Variants in SYNE2 observed in about 807,000 individuals in gnomAD.
SYNE2 encodes the protein nesprin-2.
In SYNE2, 431 loss-of-function variants were observed where a neutral mutation model predicts 856.3. That is an observed-to-expected ratio of 0.50 (90% CI 0.47 to 0.55). The LOEUF (loss-of-function observed/expected upper bound fraction) is 0.55. Ranked by LOEUF, SYNE2 falls within the 20% of genes least tolerant of loss-of-function variation. The pLI is 0.00. For synonymous variants in SYNE2, 2,923 were observed against 2,872.3 expected (o/e 1.02, Z -0.56); for missense variants, 8,129 against 8,023.2 (o/e 1.01, Z -0.50).
At chr14:63,993,789 A>G (rs1039469213) in intron 21 of SYNE2, 46 bp from the exon 22 acceptor site, 1 of 1,561,218 alleles carries the variant, frequency 6.4e-7, no homozygotes, top group Non-Finnish European at 8.7e-7. Flanking sequence ...ATTTGGCAGT[A>G]GAATGAGGCT....
At chr14:64,074,358 T>C (rs1483572560) in intron 53 of SYNE2, among the ~76,000 whole-genome samples, 1 of 152,162 alleles carries the variant, frequency 6.6e-6, no homozygotes, top group African/African-American at 2.4e-5. Flanking sequence ...GGCTGGAAGG[T>C]AGGCCAGTCT....
At chr14:63,780,605 T>G (rs1339655577) in intron 1 of SYNE2, among the ~76,000 whole-genome samples, 2 of 152,112 alleles carry the variant, frequency 1.3e-5, no homozygotes, top group Non-Finnish European at 2.9e-5. Flanking sequence ...GAGAAAATTG[T>G]AAGGGACTCT....
chr14:63,949,731 G>C, intron 6 of SYNE2, 94 bp from the exon 7 acceptor site: 2 of 1,238,190 alleles, frequency 1.6e-6, no homozygotes, highest in South Asian at 1.2e-5. Context: ...ACTGTCACAG[G>C]ATGCTTTTTA....
rs765811993 is a variant in SYNE2, at chr14:64,087,796, A to G, written c.11610A>G (p.Gln3870=). The G allele has an allele frequency of 8.7e-6, 14 of 1,614,072 alleles. No homozygotes were observed. The highest frequency in any genetic ancestry group is 1.7e-6 in the Non-Finnish European group (2 of 1,180,016). Residue 3870 remains glutamine (Q), a synonymous_variant, in exon 58 of 116, where the codon CAA becomes CAG. Transcript: ENST00000555002. The part of the protein sequence containing the change: ...LTQSIQELSN[Q]VTALQQKIME... ...AATCCATACAAGAGTTAAGTAATCA[A>G]GTAACAGCTTTACAACAAAAAATAA...
In SYNE2 at chr14:64,012,745, T is replaced by C. The variant is rs578067770; in HGVS notation, c.4728+2629T>C. 3.7e-4 allele frequency among the ~76,000 whole-genome samples: 57 copies of C among 152,338 alleles called. 1 individual carries two copies. In the South Asian group the frequency reaches 0.011, roughly 28 times the overall value. ...AAGATATAGAAGTTTTAATACACTA[T>C]TGTTTAATTCTTTGGTCAGGTTTTT... On this transcript the variant is annotated intron_variant, in intron 32 of 115. Transcript: ENST00000555002.
chr14:64,012,804 A>G (rs2096856875), intron 32 of SYNE2, among the ~76,000 whole-genome samples: 1 of 152,222 alleles, frequency 6.6e-6, no homozygotes, highest in African/African-American at 2.4e-5. Flanking sequence ...TTTTAGTACT[A>G]ATTGTTAACA....
intron 56 of SYNE2, 97 bp downstream of exon 56, chr14:64,080,735 A>G: frequency 6.7e-7 from 1 of 1,495,606 alleles, no homozygotes; most frequent in Non-Finnish European, 9.3e-7. Flanking sequence ...TTTCTGTTGA[A>G]TTATCAGTTT....
In SYNE2 at chr14:64,023,924, G is replaced by A. The variant is rs533102752; in HGVS notation, c.5638-333G>A. 34 of 299,504 alleles carry A rather than the reference G, an allele frequency of 1.1e-4. 1 individual carries two copies. In the South Asian group the frequency reaches 1.1e-3, roughly 10 times the overall value. 18.6% of individuals were successfully genotyped at this position (299,504 alleles called of 1,614,324 possible). Reference sequence around the variant, plus strand: ...GCCCAAACCTTGAAACGTAAACATTGAGATAAAATTCTTATTTGGGCAACG... The same window carrying A: ...GCCCAAACCTTGAAACGTAAACATTAAGATAAAATTCTTATTTGGGCAACG... On this transcript the variant is annotated intron_variant, in intron 38 of 115. Coordinates refer to ENST00000555002, the MANE Select transcript of SYNE2 (RefSeq NM_182914.3).
chr14:64,219,851 C>T (rs1190899071), intron 110 of SYNE2, among the ~76,000 whole-genome samples: 3 of 152,120 alleles, frequency 2.0e-5, no homozygotes, highest in Non-Finnish European at 2.9e-5. Context: ...CGTGGCCTGA[C>T]CTCATTACCC....
chr14:64,038,222 C>T (rs1322566136), intron 45 of SYNE2, among the ~76,000 whole-genome samples: 1 of 152,042 alleles, frequency 6.6e-6, no homozygotes, highest in Admixed American at 6.5e-5. Context: ...GGCAGAGACG[C>T]TCCTCACTTC....
chr14:63,936,768 G>C (rs1223651854), intron 2 of SYNE2, among the ~76,000 whole-genome samples: 1 of 152,206 alleles, frequency 6.6e-6, no homozygotes, highest in East Asian at 1.9e-4. Context: ...ACTGCCTGCT[G>C]TGCTGAGCAT....
At chr14:64,130,289 A>G in intron 76 of SYNE2, 41 bp downstream of exon 76, 1 of 1,518,488 alleles carries the variant, frequency 6.6e-7, no homozygotes, top group Non-Finnish European at 9.1e-7. Flanking sequence ...TTCATAGACT[A>G]AAATCTTAAG....
In SYNE2 at chr14:64,224,518, G is replaced by C. The variant is rs915118325; in HGVS notation, c.20440G>C (p.Ala6814Pro). 6.2e-7 allele frequency: 1 copy of C among 1,614,006 alleles called. No homozygotes were observed. Among genetic ancestry groups the C allele is most frequent in the African/African-American group, 1.3e-5 (1 of 74,902 alleles). ...DEVDSGDQPP[A>P]TSVPAPRAKF... ...GGTAGACTCGGGGGACCAGCCTCCT[G>C]CAACATCCGTGCCAGCTCCCCGAGC... The change falls in exon 114 of 116, where the codon GCA becomes CCA. Residue 6814 changes from alanine (A) to proline (P), a missense_variant. Coordinates refer to ENST00000555002, the MANE Select transcript of SYNE2 (RefSeq NM_182914.3).
Position 64,051,567 on chromosome 14 carries a change from G to T in SYNE2, c.7654G>T (p.Asp2552Tyr), listed in dbSNP as rs1194848697. The change falls in exon 48 of 116, where the codon GAC becomes TAC. Residue 2552 changes from aspartate to tyrosine, a missense_variant. By Grantham distance (160) the Asp-to-Tyr change is radical. Coordinates refer to ENST00000555002, the MANE Select transcript of SYNE2 (RefSeq NM_182914.3). ...TTATTCTTTTTCTAGAGGACCACTGGACAGTGTAACGTATCTGGACAAAAT... is the reference window on the plus strand; with the variant it reads ...TTATTCTTTTTCTAGAGGACCACTGTACAGTGTAACGTATCTGGACAAAAT... Reference protein sequence around the residue: ...DKESLKVGPLDSVTYLDKIKK... With the variant: ...DKESLKVGPLYSVTYLDKIKK... The T allele has an allele frequency of 2.5e-6, 4 of 1,612,832 alleles. No homozygotes were observed. The South Asian group carries it at 3.3e-5, about 13-fold the overall frequency.
chr14:63,940,743 C>G (rs537914738), intron 3 of SYNE2, 68 bp downstream of exon 3: 1 of 1,437,632 alleles, frequency 7.0e-7, no homozygotes. Flanking sequence ...TCTGTTTTGA[C>G]CCCAAGGAGG....
chr14:63,859,228 C>T (rs927024497), intron 1 of SYNE2, among the ~76,000 whole-genome samples: 2 of 152,318 alleles, frequency 1.3e-5, no homozygotes, highest in East Asian at 3.9e-4. Flanking sequence ...GGTTGAGACA[C>T]TCTAGGCTTG....
intron 84 of SYNE2, among the ~76,000 whole-genome samples, chr14:64,151,092 T>G (rs955732852): frequency 4.6e-5 from 7 of 152,114 alleles, no homozygotes; most frequent in Non-Finnish European, 7.4e-5. Context: ...CCAGCTCCAT[T>G]CTCTCATCAT....
chr14:63,981,040 G>T lies in SYNE2; in HGVS notation c.1703G>T (p.Cys568Phe), dbSNP rs757271546. 2 of 1,579,218 alleles carry T rather than the reference G, an allele frequency of 1.3e-6. No individual in the cohort carries two copies. The highest frequency in any genetic ancestry group is 3.3e-5 in the Admixed American group (2 of 59,942). Residue 568 changes from cysteine (C) to phenylalanine (F), a missense_variant, in exon 16 of 116, where the codon TGT becomes TTT. Coordinates refer to ENST00000555002, the MANE Select transcript of SYNE2 (RefSeq NM_182914.3). Reference protein sequence around the residue: ...KQYMMVKSDVCMYRKNIYNVK... With the variant: ...KQYMMVKSDVFMYRKNIYNVK... Reference sequence around the variant, plus strand: ...TATATGATGGTGAAATCTGATGTTTGTATGTATAGAAAAAATATATATAAT... The same window carrying T: ...TATATGATGGTGAAATCTGATGTTTTTATGTATAGAAAAAATATATATAAT...
intron 1 of SYNE2, among the ~76,000 whole-genome samples, chr14:63,847,349 C>G (rs894277403): frequency 6.6e-6 from 1 of 151,706 alleles, no homozygotes; most frequent in African/African-American, 2.4e-5. Flanking sequence ...CCCAGCTACT[C>G]AGGAGGCTGA....
Sources: allele counts gnomAD v4.1 joint callset (sites outside exome capture counted in the v4.1 genomes callset), GRCh38; gene constraint gnomAD v4.1.1; transcripts MANE v1.5; gene names NCBI Gene and HGNC (gene_info 2026-07-23, HGNC 2026-07-21).